Variants in TDRD3 observed in about 807,000 individuals in gnomAD.
TDRD3 encodes the protein tudor domain containing 3.
A neutral mutation model predicts 86.7 loss-of-function variants in TDRD3; 45 were observed. That is an observed-to-expected ratio of 0.52 (90% CI 0.41 to 0.67). The LOEUF is 0.67. Ranked by LOEUF, TDRD3 falls within the 30% of genes least tolerant of loss-of-function variation. TDRD3 has a pLI of 0.00. For missense variants in TDRD3, 814 were observed against 889.0 expected (o/e 0.92, Z 1.07); for synonymous variants, 298 against 301.7 (o/e 0.99, Z 0.13).
chr13:60,566,816 A>T (rs1367048195), intron 12 of TDRD3, among the ~76,000 whole-genome samples: 1 of 152,176 alleles, frequency 6.6e-6, no homozygotes, highest in African/African-American at 2.4e-5. Context: ...ATGCTATTTA[A>T]TCTGCTTATC....
At chr13:60,412,449 C>T (rs1208120149) in intron 1 of TDRD3, among the ~76,000 whole-genome samples, 1 of 151,906 alleles carries the variant, frequency 6.6e-6, no homozygotes, top group Admixed American at 6.6e-5. Context: ...CTTGAAAAGC[C>T]CTTTTCCCTA....
Position 60,420,612 on chromosome 13 carries a change from T to A in TDRD3, c.42-19076T>A, listed in dbSNP as rs80282518. On this transcript the variant is annotated intron_variant, in intron 1 of 13. Transcript: ENST00000377881. ...TTTCAGTGACATTTGTAAAAAAAAA[T>A]TTTCTTTATTGGATTGACTTGGCAT... 9.6e-3 allele frequency among the ~76,000 whole-genome samples: 1,466 copies of A among 152,110 alleles called. 10 individuals are homozygous for A. Among genetic ancestry groups the A allele is most frequent in the Non-Finnish European group, 0.016 (1,077 of 67,968 alleles).
At chr13:60,447,606 G>T (rs761264440) in intron 3 of TDRD3, among the ~76,000 whole-genome samples, 2 of 152,078 alleles carry the variant, frequency 1.3e-5, no homozygotes, top group Non-Finnish European at 2.9e-5. Context: ...AATAAATAAG[G>T]TAAGGCAAAT....
chr13:60,553,439 AT>A (rs1212269293), intron 12 of TDRD3, among the ~76,000 whole-genome samples: 1 of 151,268 alleles, frequency 6.6e-6, no homozygotes, highest in Non-Finnish European at 1.5e-5. Flanking sequence ...TCGCTTCCAC[AT>A]TTTCAGGTTA....
chr13:60,434,839 A>G (rs1427625620), intron 1 of TDRD3, among the ~76,000 whole-genome samples: 2 of 152,100 alleles, frequency 1.3e-5, no homozygotes, highest in Non-Finnish European at 2.9e-5. Context: ...CTCAAGGTCC[A>G]CCAGGTGGGT....
In TDRD3 at chr13:60,503,893, C is replaced by T. The variant is rs117088110; in HGVS notation, c.859-5870C>T. On this transcript the variant is annotated intron_variant, in intron 8 of 13. Coordinates refer to ENST00000377881, the MANE Select transcript of TDRD3 (RefSeq NM_001146070.2). ...ATTGGTTTAAATGAAACCTTATAGA[C>T]GATTCCATCTAATCTTAACCAGTTT... is the stretch of plus-strand genomic sequence containing the variant. Among the ~76,000 whole-genome samples, 107 of 152,282 alleles carry T rather than the reference C, an allele frequency of 7.0e-4. 1 individual carries two copies. The East Asian group carries it at 0.014, about 20-fold the overall frequency.
intron 7 of TDRD3, among the ~76,000 whole-genome samples, chr13:60,487,005 C>G (rs558309490): frequency 6.6e-5 from 10 of 152,050 alleles, no homozygotes; most frequent in African/African-American, 2.2e-4. Context: ...GTGGATTCAA[C>G]TCTTCCTAAC....
chr13:60,458,638 G>A (rs1011697233), intron 3 of TDRD3, among the ~76,000 whole-genome samples: 9 of 152,182 alleles, frequency 5.9e-5, no homozygotes, highest in Non-Finnish European at 1.3e-4. Context: ...TGTAGGCCTA[G>A]ATCATCACCA....
chr13:60,523,817 T>C (rs1046578860), intron 10 of TDRD3, among the ~76,000 whole-genome samples: 1 of 152,128 alleles, frequency 6.6e-6, no homozygotes, highest in Non-Finnish European at 1.5e-5. Context: ...CCTCAAGTGA[T>C]CCACCCACCT....
At chr13:60,508,169 A>G (rs1956978671) in intron 8 of TDRD3, among the ~76,000 whole-genome samples, 1 of 152,322 alleles carries the variant, frequency 6.6e-6, no homozygotes. Flanking sequence ...GGAAGAATCA[A>G]TATCATGAAA....
At chr13:60,482,631 T>C (rs1956341103) in intron 5 of TDRD3, among the ~76,000 whole-genome samples, 1 of 152,210 alleles carries the variant, frequency 6.6e-6, no homozygotes, top group Non-Finnish European at 1.5e-5. Context: ...GATAATTTTA[T>C]GCATTTGTTG....
intron 12 of TDRD3, among the ~76,000 whole-genome samples, chr13:60,563,757 T>C (rs1036103136): frequency 8.5e-5 from 13 of 152,224 alleles, no homozygotes; most frequent in Non-Finnish European, 1.6e-4. Flanking sequence ...TTTAAGTGTG[T>C]TTCATACTTC....
chr13:60,397,555 C>T (rs1237436593), intron 1 of TDRD3, 150 bp downstream of exon 1: 2 of 540,632 alleles, frequency 3.7e-6, no homozygotes, highest in East Asian at 3.9e-5. Context: ...CCGGCTCCGC[C>T]CCCGGCGCCA....
At chr13:60,434,516 A>T (rs866427012) in intron 1 of TDRD3, among the ~76,000 whole-genome samples, 1 of 152,062 alleles carries the variant, frequency 6.6e-6, no homozygotes, top group African/African-American at 2.4e-5. Context: ...TGACTTAAAA[A>T]TTGCATTATT....
At chr13:60,478,451 C>T (rs941450440) in intron 5 of TDRD3, among the ~76,000 whole-genome samples, 5 of 151,810 alleles carry the variant, frequency 3.3e-5, no homozygotes, top group South Asian at 2.1e-4. Context: ...GTTGCAAGCC[C>T]GTGCCACCAC....
chr13:60,503,773 A>G (rs1470224124), intron 8 of TDRD3, among the ~76,000 whole-genome samples: 1 of 152,224 alleles, frequency 6.6e-6, no homozygotes, highest in African/African-American at 2.4e-5. Context: ...TGATAACTCA[A>G]AAGGCAAAAG....
intron 12 of TDRD3, among the ~76,000 whole-genome samples, chr13:60,545,046 T>C (rs1225879883): frequency 6.6e-6 from 1 of 152,196 alleles, no homozygotes; most frequent in Admixed American, 6.5e-5. Flanking sequence ...ATATGATAGC[T>C]TTTCAACAAA....
chr13:60,491,215 GGAGCAGGTGT>G (rs1956581208), intron 7 of TDRD3, among the ~76,000 whole-genome samples: 1 of 152,086 alleles, frequency 6.6e-6, no homozygotes, highest in East Asian at 1.9e-4. Context: ...AGTGTGGAGT[GGAGCAGGTGT>G]GAGGGGAGGA....
chr13:60,557,043 A>G (rs539118697), intron 12 of TDRD3, among the ~76,000 whole-genome samples: 7 of 152,074 alleles, frequency 4.6e-5, no homozygotes, highest in South Asian at 2.1e-4. Flanking sequence ...CGTCTCTACT[A>G]AAAATACAAA....
Sources: allele counts gnomAD v4.1 joint callset (sites outside exome capture counted in the v4.1 genomes callset), GRCh38; gene constraint gnomAD v4.1.1; transcripts MANE v1.5; gene names NCBI Gene and HGNC (gene_info 2026-07-23, HGNC 2026-07-21).